The following CTNNA3 variants were observed in gnomAD, a reference collection of about 807,000 sequenced individuals.
CTNNA3 encodes catenin alpha-3.
A neutral mutation model predicts 95.7 loss-of-function variants in CTNNA3; 76 were observed. The observed-to-expected ratio is 0.79, with a 90% confidence interval of 0.66 to 0.96. CTNNA3 has a LOEUF of 0.96. Among genes scored for constraint, CTNNA3 ranks in the 40% least tolerant of loss-of-function variants. The pLI, the probability that CTNNA3 is intolerant of heterozygous loss-of-function variation, is 0.00. For missense variants in CTNNA3, 1,191 were observed against 1,089.8 expected, an observed-to-expected ratio of 1.09 and a Z score of -1.31; for synonymous variants, 431 against 374.4, an observed-to-expected ratio of 1.15 and a Z score of -1.74.
chr10:67,350,660 T>C (rs1177184082), intron 5 of CTNNA3, among the ~76,000 whole-genome samples: 1 of 151,362 alleles, frequency 6.6e-6, no homozygotes, highest in Admixed American at 6.6e-5. Flanking sequence ...TACACCACTA[T>C]TTGCCTAATA....
In CTNNA3 at chr10:66,930,638, C is replaced by A. The variant is rs552839856; in HGVS notation, c.1048-155114G>T. ...TTATATTTTTGAATTATTGCAAATT[C>A]TCAATGCCATGGTGCTACTAGTATA... On this transcript the variant is annotated intron_variant, in intron 7 of 17. Transcript: ENST00000433211. Among the ~76,000 whole-genome samples the A allele has an allele frequency of 7.2e-5, 11 of 152,220 alleles. No homozygotes were observed. In the South Asian group the frequency reaches 2.1e-3, roughly 29 times the overall value.
At chr10:67,295,343 A>G (rs769887263) in intron 5 of CTNNA3, among the ~76,000 whole-genome samples, 73 of 152,250 alleles carry the variant, frequency 4.8e-4, no homozygotes, top group Non-Finnish European at 9.3e-4. Context: ...TAGATCATAA[A>G]TTGTAAAATT....
intron 10 of CTNNA3, among the ~76,000 whole-genome samples, chr10:66,564,810 T>C (rs1270012275): frequency 6.6e-6 from 1 of 152,210 alleles, no homozygotes; most frequent in East Asian, 1.9e-4. Flanking sequence ...ATGCTAATTA[T>C]TCGACGTTTA....
intron 7 of CTNNA3, among the ~76,000 whole-genome samples, chr10:66,790,487 G>A (rs1189448015): frequency 6.6e-6 from 1 of 152,020 alleles, no homozygotes; most frequent in Non-Finnish European, 1.5e-5. Context: ...AACAAGTAAA[G>A]GTGTAGCCAA....
intron 7 of CTNNA3, among the ~76,000 whole-genome samples, chr10:66,941,983 G>A (rs1310872286): frequency 6.6e-6 from 1 of 152,126 alleles, no homozygotes. Context: ...CGTAGACTTC[G>A]AATCCACTAG....
intron 11 of CTNNA3, among the ~76,000 whole-genome samples, chr10:66,491,102 C>T (rs72791577): frequency 0.01 from 1,564 of 152,222 alleles, 15 homozygotes; most frequent in Admixed American, 0.022. Context: ...AGAGCTGTTC[C>T]AGGACCTTAG....
chr10:67,183,057 A>G (rs1276213815), intron 6 of CTNNA3, among the ~76,000 whole-genome samples: 1 of 152,180 alleles, frequency 6.6e-6, no homozygotes, highest in Non-Finnish European at 1.5e-5. Flanking sequence ...TGGAGAGGAT[A>G]TGGAGAAACA....
At chr10:66,615,909 G>A (rs7090742) in intron 10 of CTNNA3, among the ~76,000 whole-genome samples, 25,541 of 151,886 alleles carry the variant, frequency 0.17, 2,792 homozygotes, top group Non-Finnish European at 0.24. Context: ...TTTAATTTCA[G>A]CTTATGAGTT....
At chr10:66,185,970 C>T (rs777181686) in intron 13 of CTNNA3, among the ~76,000 whole-genome samples, 7 of 151,666 alleles carry the variant, frequency 4.6e-5, no homozygotes, top group South Asian at 2.1e-4. Context: ...TATATATACA[C>T]GGATATGTAC....
At chr10:67,152,774 C>T (rs1038866371) in intron 7 of CTNNA3, among the ~76,000 whole-genome samples, 11 of 108,458 alleles carry the variant, frequency 1.0e-4, no homozygotes, top group Admixed American at 4.4e-4. Flanking sequence ...TATACTTTTT[C>T]CTATCTTTCA....
At position 67,447,280 on chromosome 10, in the gene CTNNA3, C is replaced by T. The variant is rs75652532; in HGVS notation, c.579+74562G>A. Among the ~76,000 whole-genome samples, 739 of 152,236 alleles carry T rather than the reference C, an allele frequency of 4.9e-3. 8 individuals are homozygous for T. The highest frequency in any genetic ancestry group is 0.016 in the African/African-American group (683 of 41,536). On this transcript the variant is annotated intron_variant, in intron 5 of 17. Coordinates refer to ENST00000433211, the MANE Select transcript of CTNNA3 (RefSeq NM_013266.4). ...TAGTTATTGTTTATCTTAAAACATGCGTGTAATAGATTGTATCTTCTTGGC... is the reference window on the plus strand; with the variant it reads ...TAGTTATTGTTTATCTTAAAACATGTGTGTAATAGATTGTATCTTCTTGGC...
intron 7 of CTNNA3, among the ~76,000 whole-genome samples, chr10:66,888,924 G>A (rs1316444172): frequency 6.6e-6 from 1 of 152,160 alleles, no homozygotes; most frequent in Non-Finnish European, 1.5e-5. Context: ...ACACGGATGT[G>A]TATAGCAACT....
intron 15 of CTNNA3, among the ~76,000 whole-genome samples, chr10:66,023,619 C>T (rs569077225): frequency 1.4e-4 from 21 of 152,138 alleles, no homozygotes; most frequent in Non-Finnish European, 2.6e-4. Flanking sequence ...AAAGTACCAG[C>T]ACAAATGTGT....
intron 7 of CTNNA3, among the ~76,000 whole-genome samples, chr10:66,867,365 T>G (rs142904154): frequency 6.6e-6 from 1 of 152,186 alleles, no homozygotes; most frequent in African/African-American, 2.4e-5. Flanking sequence ...TCACAGAAAG[T>G]TATTAATTGA....
intron 10 of CTNNA3, among the ~76,000 whole-genome samples, chr10:66,556,460 C>A (rs947795441): frequency 6.6e-6 from 1 of 151,888 alleles, no homozygotes; most frequent in South Asian, 2.1e-4. Context: ...TGGAAACAAC[C>A]TATGTATCTG....
At chr10:67,061,664 C>T (rs1253369722) in intron 7 of CTNNA3, among the ~76,000 whole-genome samples, 1 of 152,212 alleles carries the variant, frequency 6.6e-6, no homozygotes, top group Non-Finnish European at 1.5e-5. Context: ...CCTGTCCTCA[C>T]ATCTGGTCAA....
chr10:66,401,391 T>C (rs889148935), intron 11 of CTNNA3, among the ~76,000 whole-genome samples: 1 of 151,810 alleles, frequency 6.6e-6, no homozygotes, highest in Non-Finnish European at 1.5e-5. Context: ...CCATGGATGG[T>C]GGTGTGTCCC....
At chr10:67,037,961 T>G (rs1195927174) in intron 7 of CTNNA3, among the ~76,000 whole-genome samples, 1 of 152,096 alleles carries the variant, frequency 6.6e-6, no homozygotes, top group African/African-American at 2.4e-5. Context: ...GAAATAATTG[T>G]TCATTAAGGG....
chr10:67,725,003 T>C (rs1244378233), intron 1 of CTNNA3, among the ~76,000 whole-genome samples: 1 of 152,038 alleles, frequency 6.6e-6, no homozygotes, highest in East Asian at 1.9e-4. Context: ...ATATTCTTGT[T>C]AAAATTTTTA....
Sources: gnomAD v4.1 joint callset for allele counts (sites outside exome capture counted in the v4.1 genomes callset) on GRCh38, gnomAD v4.1.1 for gene constraint, MANE v1.5 for transcripts, NCBI Gene and HGNC (gene_info 2026-07-23, HGNC 2026-07-21) for gene names.